CPED1: variants seen among roughly 807,000 people sequenced by gnomAD.
CPED1 encodes cadherin like and PC-esterase domain containing 1, also known as cadherin-like and PC-esterase domain-containing protein 1.
Under a neutral mutation model 128.2 loss-of-function variants are expected in CPED1, and 114 were observed. That is an observed-to-expected ratio of 0.89 (90% confidence interval 0.76 to 1.04). The LOEUF (loss-of-function observed/expected upper bound fraction) is 1.04, where lower values mean the gene tolerates loss of function less well. Ranked by LOEUF, CPED1 falls within the 50% of genes least tolerant of loss-of-function variation. The probability of loss-of-function intolerance (pLI) is 0.00; values close to 1 mark genes in which losing one functional copy is unlikely to be tolerated. For missense variants in CPED1, 1,211 were observed against 1,207.1 expected, an observed-to-expected ratio of 1.00 and a Z score of -0.05; for synonymous variants, 462 against 426.7, an observed-to-expected ratio of 1.08 and a Z score of -1.02.
chr7:121,254,753 T>G (rs920787011), intron 18 of CPED1, among the ~76,000 whole-genome samples: 1 of 151,734 alleles, frequency 6.6e-6, no homozygotes, highest in African/African-American at 2.4e-5. Context: ...ATACAAAAGA[T>G]CCTCAGAGAA....
chr7:121,164,727 A>G lies in CPED1; in HGVS notation c.2055+22586A>G, dbSNP rs577865628. Reference sequence around the variant, plus strand: ...GTAGCTCAGGTGCATTCTCTTTTCAATACATTTCTTCCATATTCCATTTAT... The same window carrying G: ...GTAGCTCAGGTGCATTCTCTTTTCAGTACATTTCTTCCATATTCCATTTAT... On this transcript the variant is annotated intron_variant, in intron 16 of 22. Coordinates refer to ENST00000310396, the MANE Select transcript of CPED1 (RefSeq NM_024913.5). Among the ~76,000 whole-genome samples, 7 of 152,286 alleles carry G rather than the reference A, an allele frequency of 4.6e-5. No individual in the cohort carries two copies. The South Asian group carries it at 6.2e-4, about 14-fold the overall frequency.
intron 4 of CPED1, among the ~76,000 whole-genome samples, chr7:121,057,771 G>A (rs1793538669): frequency 3.3e-5 from 5 of 152,128 alleles, no homozygotes; most frequent in Admixed American, 3.3e-4. Flanking sequence ...TAGGTGCTGG[G>A]AAGATAGCAA....
At position 121,001,704 on chromosome 7, in the gene CPED1, A is replaced by G. The variant is rs147795884; in HGVS notation, c.249+11834A>G. Among the ~76,000 whole-genome samples, 1,144 of 152,202 alleles carry G rather than the reference A, an allele frequency of 7.5e-3. 20 individuals are homozygous for G. The highest frequency in any genetic ancestry group is 0.026 in the African/African-American group (1,085 of 41,526). ...TGACCCATTCAGCCTTTCCAAGAGA[A>G]AGGGAAATTACCTGGGACTGAAATG... On this transcript the variant is annotated intron_variant, in intron 2 of 22. Coordinates refer to ENST00000310396, the MANE Select transcript of CPED1 (RefSeq NM_024913.5).
At chr7:121,238,251 C>T (rs1292854179) in intron 17 of CPED1, among the ~76,000 whole-genome samples, 1 of 152,058 alleles carries the variant, frequency 6.6e-6, no homozygotes, top group African/African-American at 2.4e-5. Flanking sequence ...TTAGAGAAGG[C>T]CCCAAATTGA....
At chr7:121,221,911 G>A (rs954959346) in intron 16 of CPED1, among the ~76,000 whole-genome samples, 1 of 152,132 alleles carries the variant, frequency 6.6e-6, no homozygotes, top group Non-Finnish European at 1.5e-5. Context: ...TAGATTGCCT[G>A]TTCACTCTGA....
intron 22 of CPED1, among the ~76,000 whole-genome samples, chr7:121,272,616 G>T (rs1346599927): frequency 6.6e-6 from 1 of 152,030 alleles, no homozygotes; most frequent in African/African-American, 2.4e-5. Context: ...TTGAACTACA[G>T]AAATATATAT....
chr7:121,141,879 A>G lies in CPED1; in HGVS notation c.1887-94A>G, dbSNP rs912252716. On this transcript the variant is annotated intron_variant, in intron 15 of 22. Transcript: ENST00000310396. The stretch of plus-strand genomic sequence containing the variant: ...CAGACCTTTCCTGTTATTTATTCAA[A>G]TAGGTATTTAGTAAATATTGATATA... 7.7e-6 allele frequency: 7 copies of G among 905,628 alleles called. No individual in the cohort carries two copies. The African/African-American group carries it at 1.2e-4, about 15-fold the overall frequency. 56.1% of individuals were successfully genotyped at this position (905,628 alleles called of 1,614,324 possible). A position where few individuals can be genotyped will look rare whatever the true frequency, so the allele number is the denominator to read the frequency against.
chr7:121,052,542 C>T (rs1455823172), intron 4 of CPED1, among the ~76,000 whole-genome samples: 2 of 152,034 alleles, frequency 1.3e-5, no homozygotes, highest in African/African-American at 4.8e-5. Flanking sequence ...AAGACACTTG[C>T]TAGCTTTATG....
chr7:121,208,739 C>G (rs138252820), intron 16 of CPED1, among the ~76,000 whole-genome samples: 2,592 of 152,096 alleles, frequency 0.017, 32 homozygotes, highest in Middle Eastern at 0.031. Flanking sequence ...GTTCTGCATT[C>G]AAGTGAGTTT....
At chr7:121,177,908 G>C (rs533636751) in intron 16 of CPED1, among the ~76,000 whole-genome samples, 6 of 152,128 alleles carry the variant, frequency 3.9e-5, no homozygotes, top group African/African-American at 1.2e-4. Context: ...AGATAATCTG[G>C]ATTCTTCCCT....
intron 2 of CPED1, among the ~76,000 whole-genome samples, chr7:120,996,331 A>T (rs757777363): frequency 7.0e-6 from 1 of 143,130 alleles, no homozygotes; most frequent in Non-Finnish European, 1.5e-5. Flanking sequence ...TAATAGAGGT[A>T]AAAAAACCCC....
intron 7 of CPED1, among the ~76,000 whole-genome samples, chr7:121,109,599 T>C (rs573179364): frequency 6.6e-6 from 1 of 152,310 alleles, no homozygotes; most frequent in Admixed American, 6.5e-5. Flanking sequence ...CCAGGTACCA[T>C]AGCCTCATCA....
At chr7:121,269,291 A>C (rs1309279333) in intron 21 of CPED1, among the ~76,000 whole-genome samples, 1 of 152,008 alleles carries the variant, frequency 6.6e-6, no homozygotes, top group Non-Finnish European at 1.5e-5. Context: ...TAGCTAACGG[A>C]AGGCTCCAGG....
chr7:121,250,519 C>T (rs1030753017), intron 18 of CPED1, among the ~76,000 whole-genome samples: 47 of 152,192 alleles, frequency 3.1e-4, no homozygotes, highest in African/African-American at 1.0e-3. Context: ...TTCAAAAAAT[C>T]AGTGAATCCA....
Position 121,260,801 on chromosome 7 carries a change from G to A in CPED1, c.2311-5426G>A, listed in dbSNP as rs559175384. Among the ~76,000 whole-genome samples, 12 of 152,094 alleles carry A rather than the reference G, an allele frequency of 7.9e-5. No homozygotes were observed. In the East Asian group the frequency reaches 1.6e-3, roughly 20 times the overall value. On this transcript the variant is annotated intron_variant, in intron 18 of 22. Transcript: ENST00000310396. ...GGCTCAGTCTTGTGTTGAAATCTAC[G>A]TGCACTTTATTGGATCCAGAGAAAA...
intron 16 of CPED1, among the ~76,000 whole-genome samples, chr7:121,173,687 G>T (rs571434117): frequency 1.8e-4 from 27 of 152,104 alleles, no homozygotes; most frequent in African/African-American, 6.5e-4. Flanking sequence ...GTGCTGTAAT[G>T]AACATTCACA....
chr7:121,021,039 T>C (rs374722011), intron 3 of CPED1, among the ~76,000 whole-genome samples: 6 of 151,896 alleles, frequency 4.0e-5, no homozygotes, highest in East Asian at 3.9e-4. Context: ...CTAGAGTTAA[T>C]ACTACAATAA....
At chr7:121,031,850 A>T (rs935806957) in intron 3 of CPED1, among the ~76,000 whole-genome samples, 4 of 152,238 alleles carry the variant, frequency 2.6e-5, no homozygotes, top group East Asian at 1.9e-4. Flanking sequence ...ATGAATACAC[A>T]GTTCATAGAA....
chr7:121,067,575 C>T (rs1479587009), intron 5 of CPED1, among the ~76,000 whole-genome samples: 1 of 152,114 alleles, frequency 6.6e-6, no homozygotes, highest in Admixed American at 6.6e-5. Flanking sequence ...AAAAAACATA[C>T]GTGTGCATAT....
Sources: allele counts gnomAD v4.1 joint callset (sites outside exome capture counted in the v4.1 genomes callset), GRCh38; gene constraint gnomAD v4.1.1; transcripts MANE v1.5; gene names NCBI Gene and HGNC (gene_info 2026-07-23, HGNC 2026-07-21).